UBR4: variants seen among roughly 807,000 people sequenced by gnomAD.
The protein encoded by UBR4 is ubiquitin protein ligase E3 component n-recognin 4, also known as E3 ubiquitin-protein ligase UBR4.
In UBR4, 124 loss-of-function variants were observed where a neutral mutation model predicts 575.6. That is an observed-to-expected ratio of 0.22 (90% CI 0.19 to 0.25). UBR4 has a LOEUF of 0.25. UBR4 is among the 10% of genes least tolerant of loss of function. UBR4 has a pLI of 1.00. For synonymous variants in UBR4, 2,455 were observed against 2,473.7 expected (o/e 0.99, Z 0.22); for missense variants, 4,818 against 6,478.8 (o/e 0.74, Z 8.80).
chr1:19,118,899 G>C lies in UBR4; in HGVS notation c.10514C>G (p.Thr3505Ser). 6.2e-7 allele frequency: 1 copy of C among 1,614,174 alleles called. No homozygotes were observed. Among genetic ancestry groups the C allele is most frequent in the Non-Finnish European group, 8.5e-7 (1 of 1,180,028 alleles). ...EILRTQNHIL[T>S]NHPNSNIYNT... ...ATAAATGTTCGAGTTGGGGTGGTTG[G>C]TAAGAATATGGTTTTGAGTCCGCAG... The change falls in exon 71 of 106, where the codon ACC becomes AGC. Residue 3505 changes from threonine (T) to serine (S), a missense_variant. Transcript: ENST00000375254.
rs910294619 is a variant in UBR4 at position 19,100,825 on chromosome 1, G to A, written c.13024-252C>T. ...GAGATAAAGCCTAACAAAACAAGCA[G>A]ACAAGGAGTGACATATGAGAGATAT... On this transcript the variant is annotated intron_variant, in intron 88 of 105. Transcript: ENST00000375254. The surrounding 1 kb of genome is among the most constrained non-coding windows in gnomAD (Gnocchi z 4.2). Among the ~76,000 whole-genome samples the A allele has an allele frequency of 6.6e-6, 1 of 151,884 alleles. No homozygotes were observed.
chr1:19,163,668 C>T lies in UBR4; in HGVS notation c.4764+96G>A. ...CCTTATCCTTGGTAGGCTAGCCAGG[C>T]ACAGAACTCAATAGGAACGAGAGAC... On this transcript the variant is annotated intron_variant, in intron 34 of 105. Coordinates refer to ENST00000375254, the MANE Select transcript of UBR4 (RefSeq NM_020765.3). 3.0e-6 allele frequency: 4 copies of T among 1,315,466 alleles called. No homozygotes were observed. In the South Asian group the frequency reaches 3.5e-5, roughly 12 times the overall value. The allele number at this position is 1,315,466 out of a possible 1,614,324, so 81.5% of individuals were successfully genotyped here. A position where few individuals can be genotyped will look rare whatever the true frequency, so the allele number is the denominator to read the frequency against.
intron 50 of UBR4, 139 bp from the exon 51 acceptor site, chr1:19,148,266 A>C: frequency 8.4e-7 from 1 of 1,190,608 alleles, no homozygotes. Flanking sequence ...AGAAAAAAAA[A>C]AAAGTTTCAG....
Position 19,141,333 on chromosome 1 carries a change from G to A in UBR4, c.8488+14C>T, listed in dbSNP as rs1311742311. On this transcript the variant is annotated intron_variant, in intron 57 of 105. Coordinates refer to ENST00000375254, the MANE Select transcript of UBR4 (RefSeq NM_020765.3). ...AGGCCAATGGGCCGCTTTGTTCTTGGCATGGCCTTCTACCTTGTTGGTCCT... is the reference window on the plus strand; with the variant it reads ...AGGCCAATGGGCCGCTTTGTTCTTGACATGGCCTTCTACCTTGTTGGTCCT... 3.1e-6 allele frequency: 5 copies of A among 1,614,044 alleles called. No homozygotes were observed. The highest frequency in any genetic ancestry group is 1.3e-5 in the African/African-American group (1 of 74,918).
chr1:19,160,630 C>T (rs898818219), intron 38 of UBR4, among the ~76,000 whole-genome samples: 2 of 152,156 alleles, frequency 1.3e-5, no homozygotes, highest in African/African-American at 4.8e-5. Flanking sequence ...ACACTCAAAT[C>T]GTTTTGTTTT....
Position 19,155,035 on chromosome 1 carries a change from T to C in UBR4, c.6341A>G (p.Tyr2114Cys), listed in dbSNP as rs2086255545. The C allele has an allele frequency of 1.2e-6, 2 of 1,613,990 alleles. No homozygotes were observed. The change falls in exon 44 of 106, where the codon TAC becomes TGC. Residue 2114 changes from tyrosine to cysteine, a missense_variant. Physicochemically the swap from Tyr to Cys is radical, Grantham distance 194 (BLOSUM62 -2). Coordinates refer to ENST00000375254, the MANE Select transcript of UBR4 (RefSeq NM_020765.3). The part of the protein sequence containing the change: ...SQVAGGGVSV[Y>C]YSHVLQMLFF... ...CAACATCTGCAACACGTGGGAGTAG[T>C]ACACGGACACACCACCGCCCGCCAC...
chr1:19,149,917 A>C, intron 49 of UBR4: 1 of 687,396 alleles, frequency 1.5e-6, no homozygotes, highest in Non-Finnish European at 2.1e-6. Flanking sequence ...AGAGAAAGGA[A>C]GGGAGGGAGG....
At chr1:19,127,851 G>C in intron 62 of UBR4, 112 bp from the exon 63 acceptor site, 1 of 869,996 alleles carries the variant, frequency 1.1e-6, no homozygotes, top group South Asian at 1.6e-5. Context: ...TCCTCAGATT[G>C]AATCAGACAC....
chr1:19,206,329 C>T (rs1207320348), intron 1 of UBR4, among the ~76,000 whole-genome samples: 1 of 151,654 alleles, frequency 6.6e-6, no homozygotes, highest in East Asian at 1.9e-4. Context: ...AGAAGGAGAC[C>T]CTGTCTCTCT....
chr1:19,161,607 C>A lies in UBR4; in HGVS notation c.5157G>T (p.Lys1719Asn). Residue 1719 changes from lysine to asparagine, a missense_variant, in exon 37 of 106, where the codon AAG becomes AAT. Transcript: ENST00000375254. ...CTCTCACCAAACAGCTGCCATCTTC[C>A]TTGGCTCCACAGTCACAGAAGAAGG... ...YGSFFCDCGA[K>N]EDGSCLALVK... 6.2e-7 allele frequency: 1 copy of A among 1,610,622 alleles called. No individual in the cohort carries two copies. The highest frequency in any genetic ancestry group is 8.5e-7 in the Non-Finnish European group (1 of 1,178,464).
chr1:19,126,945 C>T lies in UBR4; in HGVS notation c.9229-290G>A, dbSNP rs139034299. Among the ~76,000 whole-genome samples, 78 of 152,336 alleles carry T rather than the reference C, an allele frequency of 5.1e-4. No individual in the cohort carries two copies. The East Asian group carries it at 0.014, about 27-fold the overall frequency. ...GGGAGGCAAGGATTAAATAACCTTT[C>T]CCCCTGGAGGGGACGCGTTTCCTCT... On this transcript the variant is annotated intron_variant, in intron 63 of 105. Coordinates refer to ENST00000375254, the MANE Select transcript of UBR4 (RefSeq NM_020765.3).
intron 60 of UBR4, among the ~76,000 whole-genome samples, chr1:19,131,719 C>G (rs1393389945): frequency 6.6e-6 from 1 of 152,070 alleles, no homozygotes; most frequent in Non-Finnish European, 1.5e-5. Context: ...ACTAAAAATA[C>G]AAAATTAGCC....
At chr1:19,149,616 C>T in intron 49 of UBR4, 1 of 636,636 alleles carries the variant, frequency 1.6e-6, no homozygotes, top group Non-Finnish European at 2.3e-6. Context: ...TACACATGGA[C>T]AGCTCTGTAG....
intron 99 of UBR4, 44 bp from the exon 100 acceptor site, chr1:19,086,865 G>A (rs765364453): frequency 1.9e-6 from 3 of 1,607,402 alleles, no homozygotes; most frequent in South Asian, 1.1e-5. Context: ...GAAACTCCAA[G>A]TCAGGCTCAG....
rs543359802 is a variant in UBR4, at chr1:19,105,487, C to T, written c.12503+246G>A. ...ATAATGCATGCCAAGCATTTATGCA[C>T]TCAATCTCGATCAATATTAGCTGCA... On this transcript the variant is annotated intron_variant, in intron 84 of 105. Transcript: ENST00000375254. 7.5e-4 allele frequency among the ~76,000 whole-genome samples: 114 copies of T among 152,324 alleles called. 1 individual carries two copies. Among genetic ancestry groups the T allele is most frequent in the African/African-American group, 2.6e-3 (108 of 41,564 alleles).
chr1:19,086,498 G>A (rs1004245156), intron 100 of UBR4, among the ~76,000 whole-genome samples, 181 bp downstream of exon 100: 1 of 152,232 alleles, frequency 6.6e-6, no homozygotes, highest in Non-Finnish European at 1.5e-5. Context: ...TTGGGCCCAG[G>A]CCAAAGCATA....
intron 73 of UBR4, 139 bp from the exon 74 acceptor site, chr1:19,115,776 T>A: frequency 7.4e-7 from 1 of 1,355,136 alleles, no homozygotes; most frequent in South Asian, 1.5e-5. Context: ...ATCTGGCATA[T>A]AATAGGAAGC....
At chr1:19,137,000 T>C (rs755139296) in intron 60 of UBR4, among the ~76,000 whole-genome samples, 6 of 152,006 alleles carry the variant, frequency 3.9e-5, no homozygotes, top group Admixed American at 2.0e-4. Context: ...ATAGAAATCA[T>C]ATAGTTCAAA....
rs1446187672 is a variant in UBR4, at chr1:19,147,928, T to A, written c.7629+65A>T. On this transcript the variant is annotated intron_variant, in intron 51 of 105. Coordinates refer to ENST00000375254, the MANE Select transcript of UBR4 (RefSeq NM_020765.3). ...ACTTTGCTGTGCTGTTGCTTTACAA[T>A]GAAAAGCTAACTTATTTGATTCCCT... The A allele has an allele frequency of 1.9e-6, 3 of 1,576,734 alleles. No individual in the cohort carries two copies. The African/African-American group carries it at 4.0e-5, about 21-fold the overall frequency.
Sources: gnomAD v4.1 joint callset for allele counts (sites outside exome capture counted in the v4.1 genomes callset) on GRCh38, gnomAD v4.1.1 for gene constraint, Gnocchi (gnomAD v3.1) non-coding constraint, MANE v1.5 for transcripts, NCBI Gene and HGNC (gene_info 2026-07-23, HGNC 2026-07-21) for gene names.